Variants in PEX5L observed in about 807,000 individuals in gnomAD.
PEX5L encodes PEX5-related protein.
A neutral mutation model predicts 84.0 loss-of-function variants in PEX5L; 30 were observed. The observed-to-expected ratio is 0.36, with a 90% CI of 0.27 to 0.48. The LOEUF (loss-of-function observed/expected upper bound fraction) is 0.48, where lower values mean the gene tolerates loss of function less well. Ranked by LOEUF, PEX5L falls within the 20% of genes least tolerant of loss-of-function variation. The probability of loss-of-function intolerance (pLI) is 0.99; values close to 1 mark genes in which losing one functional copy is unlikely to be tolerated. For missense variants in PEX5L, 533 were observed against 754.6 expected, an observed-to-expected ratio of 0.71 and a Z score of 3.44; for synonymous variants, 270 against 283.1, an observed-to-expected ratio of 0.95 and a Z score of 0.46.
At chr3:179,960,811 G>C (rs946979293) in intron 2 of PEX5L, among the ~76,000 whole-genome samples, 1 of 151,880 alleles carries the variant, frequency 6.6e-6, no homozygotes, top group Admixed American at 6.6e-5. Context: ...TTTTTTTCAG[G>C]GACTACTCCA....
chr3:179,980,323 T>A (rs1786208861), intron 1 of PEX5L, among the ~76,000 whole-genome samples: 1 of 149,518 alleles, frequency 6.7e-6, no homozygotes. Flanking sequence ...ATTATTATTA[T>A]TTAGATTTTA....
chr3:179,950,319 T>C (rs903213002), intron 2 of PEX5L, among the ~76,000 whole-genome samples: 7 of 136,804 alleles, frequency 5.1e-5, no homozygotes, highest in African/African-American at 2.0e-4. Context: ...TGAGAACACT[T>C]GGACATAGGA....
At chr3:179,968,330 G>A (rs1189809075) in intron 2 of PEX5L, among the ~76,000 whole-genome samples, 6 of 152,060 alleles carry the variant, frequency 3.9e-5, no homozygotes, top group Non-Finnish European at 7.4e-5. Flanking sequence ...CTTAAGTCAA[G>A]GCACTTGACT....
At chr3:179,967,701 G>A (rs1011946632) in intron 2 of PEX5L, among the ~76,000 whole-genome samples, 2 of 151,962 alleles carry the variant, frequency 1.3e-5, no homozygotes, top group East Asian at 1.9e-4. Flanking sequence ...TAAATGCCAG[G>A]TTGAAGAATG....
intron 8 of PEX5L, among the ~76,000 whole-genome samples, chr3:179,844,525 G>T (rs1000574510): frequency 6.6e-6 from 1 of 152,174 alleles, no homozygotes; most frequent in Non-Finnish European, 1.5e-5. Flanking sequence ...CAAGGAAGCG[G>T]TTAACTTCAA....
chr3:179,997,370 A>C (rs1256868316), intron 1 of PEX5L, among the ~76,000 whole-genome samples: 1 of 152,132 alleles, frequency 6.6e-6, no homozygotes, highest in Non-Finnish European at 1.5e-5. Context: ...TCCCTGACTC[A>C]TCTTGTGGTC....
At chr3:179,955,478 C>CTT (rs397967053) in intron 2 of PEX5L, among the ~76,000 whole-genome samples, 543 of 53,524 alleles carry the variant, frequency 0.01, 9 homozygotes, top group South Asian at 0.032. Context: ...CTGCTATGCT[C>CTT]TTTTTTTTTT....
chr3:179,903,843 C>A (rs1762248129), intron 2 of PEX5L, among the ~76,000 whole-genome samples: 2 of 152,152 alleles, frequency 1.3e-5, no homozygotes, highest in Non-Finnish European at 2.9e-5. Flanking sequence ...ATTTCCTTCC[C>A]AACAGAATGT....
intron 7 of PEX5L, among the ~76,000 whole-genome samples, chr3:179,859,669 C>T (rs1193926512): frequency 1.3e-5 from 2 of 152,224 alleles, no homozygotes; most frequent in African/African-American, 4.8e-5. Flanking sequence ...TAGTTCTCTT[C>T]CTTCTGCTTT....
chr3:179,812,210 G>C (rs970469240), intron 10 of PEX5L, among the ~76,000 whole-genome samples: 1 of 152,110 alleles, frequency 6.6e-6, no homozygotes, highest in Non-Finnish European at 1.5e-5. Context: ...AGGAAAAGGG[G>C]TGGAAATATA....
At chr3:179,976,526 CT>C (rs1361734632) in intron 1 of PEX5L, among the ~76,000 whole-genome samples, 3 of 152,150 alleles carry the variant, frequency 2.0e-5, no homozygotes, top group South Asian at 2.1e-4. Flanking sequence ...CAACTTCCGC[CT>C]CCTGGGTTCA....
At chr3:179,938,869 CA>C (rs1775321650) in intron 2 of PEX5L, among the ~76,000 whole-genome samples, 1 of 152,170 alleles carries the variant, frequency 6.6e-6, no homozygotes, top group Non-Finnish European at 1.5e-5. Flanking sequence ...TGTCTTAAGC[CA>C]TTAGACCCCA....
At position 179,989,542 on chromosome 3, in the gene PEX5L, G is replaced by A. The variant is rs28699521; in HGVS notation, c.22-17877C>T. ...TACCATACTAGCTATGTTATGAGAT[G>A]CTTAAAAGTATTATTTTCCTTAATG... On this transcript the variant is annotated intron_variant, in intron 1 of 14. Transcript: ENST00000467460. Among the ~76,000 whole-genome samples the A allele has an allele frequency of 8.7e-3, 1,321 of 152,224 alleles. 18 individuals are homozygous for A. Among genetic ancestry groups the A allele is most frequent in the African/African-American group, 0.03 (1,259 of 41,538 alleles).
In PEX5L at chr3:179,797,604, A is replaced by AT. The variant is rs1560111627; in HGVS notation, c.*4223_*4224insA. 4.2e-3 allele frequency: 391 copies of AT among 93,234 alleles called. 1 individual carries two copies. Among genetic ancestry groups the AT allele is most frequent in the South Asian group, 0.015 (46 of 2,998 alleles). 5.8% of individuals were successfully genotyped at this position (93,234 alleles called of 1,614,324 possible). A position where few individuals can be genotyped will look rare whatever the true frequency, so the allele number is the denominator to read the frequency against. Reference sequence around the variant, plus strand: ...GAACACTCTTTAAAAAAAAAAAAAAAAATATATATATATATATATATATAT... The same window carrying AT: ...GAACACTCTTTAAAAAAAAAAAAAAATAATATATATATATATATATATATAT... On this transcript the variant is annotated 3_prime_UTR_variant, in exon 15 of 15. Transcript: ENST00000467460.
intron 2 of PEX5L, among the ~76,000 whole-genome samples, chr3:179,905,463 C>T (rs1472571705): frequency 1.3e-5 from 2 of 152,026 alleles, no homozygotes; most frequent in South Asian, 2.1e-4. Context: ...TTAGTAGAGA[C>T]GGGGTTTCAC....
chr3:179,879,269 C>T (rs978221025), intron 5 of PEX5L, among the ~76,000 whole-genome samples: 2 of 152,142 alleles, frequency 1.3e-5, no homozygotes, highest in African/African-American at 4.8e-5. Flanking sequence ...TGTCCTTTCT[C>T]AGAGGAGGTA....
chr3:180,002,130 T>C (rs1788480753), intron 1 of PEX5L, among the ~76,000 whole-genome samples: 1 of 152,130 alleles, frequency 6.6e-6, no homozygotes, highest in Admixed American at 6.5e-5. Context: ...ACTTCTCAAC[T>C]TTTTAAAAAA....
chr3:179,884,951 G>A (rs2108821522), intron 4 of PEX5L, among the ~76,000 whole-genome samples: 1 of 152,196 alleles, frequency 6.6e-6, no homozygotes, highest in Non-Finnish European at 1.5e-5. Flanking sequence ...ACCTCCAGAA[G>A]AGGTAAATAT....
At chr3:179,973,543 G>A in intron 1 of PEX5L, 1 of 963,904 alleles carries the variant, frequency 1.0e-6, no homozygotes, top group Non-Finnish European at 1.2e-6. Flanking sequence ...TATAATTTTT[G>A]TATTTACTTC....
Sources: gnomAD v4.1 joint callset for allele counts (sites outside exome capture counted in the v4.1 genomes callset) on GRCh38, gnomAD v4.1.1 for gene constraint, MANE v1.5 for transcripts, NCBI Gene and HGNC (gene_info 2026-07-23, HGNC 2026-07-21) for gene names.